LRRTM4: variants seen among roughly 807,000 people sequenced by gnomAD.
The protein encoded by LRRTM4 is leucine rich repeat transmembrane neuronal 4.
LRRTM4 carries 25 observed loss-of-function variants against 47.6 expected under a neutral mutation model. That is an observed-to-expected ratio of 0.53 (90% confidence interval 0.38 to 0.73). LRRTM4 has a LOEUF of 0.73. Ranked by LOEUF, LRRTM4 falls within the 30% of genes least tolerant of loss-of-function variation. The probability of loss-of-function intolerance (pLI) is 0.00; values close to 1 mark genes in which losing one functional copy is unlikely to be tolerated. For missense variants in LRRTM4, 638 were observed against 713.4 expected (o/e 0.89, Z 1.20); for synonymous variants, 311 against 269.5 (o/e 1.15, Z -1.51).
intron 3 of LRRTM4, among the ~76,000 whole-genome samples, chr2:76,988,809 T>C (rs1676900719): frequency 6.9e-6 from 1 of 144,744 alleles, no homozygotes; most frequent in Admixed American, 6.9e-5. Flanking sequence ...ACATCTCCTA[T>C]CACCTTTTTA....
intron 3 of LRRTM4, among the ~76,000 whole-genome samples, chr2:76,801,732 C>T (rs1285887172): frequency 2.6e-5 from 4 of 151,932 alleles, no homozygotes. Context: ...AGCAAAATAT[C>T]AGCAAACTAA....
At chr2:77,396,832 A>G (rs1332876086) in intron 3 of LRRTM4, among the ~76,000 whole-genome samples, 1 of 151,934 alleles carries the variant, frequency 6.6e-6, no homozygotes, top group Non-Finnish European at 1.5e-5. Context: ...AGTTCAATTG[A>G]GATCAATGTT....
intron 3 of LRRTM4, among the ~76,000 whole-genome samples, chr2:76,958,851 C>T (rs1159691657): frequency 6.6e-6 from 1 of 151,626 alleles, no homozygotes; most frequent in African/African-American, 2.4e-5. Flanking sequence ...GCCCCCTTGC[C>T]ATTCACCTCC....
intron 3 of LRRTM4, among the ~76,000 whole-genome samples, chr2:76,918,446 T>A (rs1344360790): frequency 6.6e-6 from 1 of 152,200 alleles, no homozygotes; most frequent in Non-Finnish European, 1.5e-5. Context: ...AAATGCAGAA[T>A]TTCACCATTA....
At chr2:77,456,492 T>C (rs756943324) in intron 3 of LRRTM4, among the ~76,000 whole-genome samples, 3 of 152,174 alleles carry the variant, frequency 2.0e-5, no homozygotes, top group Admixed American at 6.5e-5. Flanking sequence ...ACTCATTCAT[T>C]GACTTCACTC....
intron 3 of LRRTM4, among the ~76,000 whole-genome samples, chr2:77,114,195 T>A (rs1383569480): frequency 6.6e-6 from 1 of 152,032 alleles, no homozygotes; most frequent in Non-Finnish European, 1.5e-5. Context: ...CAAGGCCCAA[T>A]CACCCCACAC....
rs1558771791 is a variant in LRRTM4 at position 76,974,227 on chromosome 2, C to CATATATATATACATATATATATACAT, written c.1552-225312_1552-225311insATGTATATATATATGTATATATATAT. Among the ~76,000 whole-genome samples the CATATATATATACATATATATATACAT allele has an allele frequency of 2.3e-3, 286 of 125,108 alleles. 4 individuals are homozygous for CATATATATATACATATATATATACAT. Among genetic ancestry groups the CATATATATATACATATATATATACAT allele is most frequent in the Non-Finnish European group, 3.2e-3 (196 of 61,026 alleles). The allele number at this position is 125,108 out of a possible 152,430, so 82.1% of individuals were successfully genotyped here. A position where few individuals can be genotyped will look rare whatever the true frequency, so the allele number is the denominator to read the frequency against. ...ATATATATACACATATATATACATA[C>CATATATATATACATATATATATACAT]ATATATATATATACATATATATATA... On this transcript the variant is annotated intron_variant, in intron 3 of 3. Transcript: ENST00000409884.
intron 3 of LRRTM4, among the ~76,000 whole-genome samples, chr2:76,950,838 G>C (rs771805899): frequency 3.9e-5 from 6 of 151,952 alleles, no homozygotes; most frequent in Non-Finnish European, 7.4e-5. Flanking sequence ...GCCATATTAA[G>C]ACTAGGCTAA....
intron 3 of LRRTM4, among the ~76,000 whole-genome samples, chr2:76,985,170 A>G (rs1208042392): frequency 7.0e-6 from 1 of 143,704 alleles, no homozygotes; most frequent in African/African-American, 2.7e-5. Context: ...AGCTTTTAAA[A>G]TTTTATTTGA....
chr2:77,153,870 AC>A (rs1672491599), intron 3 of LRRTM4, among the ~76,000 whole-genome samples: 1 of 152,160 alleles, frequency 6.6e-6, no homozygotes, highest in South Asian at 2.1e-4. Context: ...TGAAAAAGAA[AC>A]TTTTAATTAT....
chr2:76,768,634 T>G (rs1409002712), intron 3 of LRRTM4, among the ~76,000 whole-genome samples: 1 of 152,132 alleles, frequency 6.6e-6, no homozygotes, highest in Non-Finnish European at 1.5e-5. Flanking sequence ...AGTTTATGAT[T>G]GTAAATTCAA....
At chr2:77,487,579 T>C (rs1677968430) in intron 3 of LRRTM4, among the ~76,000 whole-genome samples, 2 of 152,012 alleles carry the variant, frequency 1.3e-5, no homozygotes, top group African/African-American at 4.8e-5. Flanking sequence ...GTGCCATGGA[T>C]GGTGGGTTGA....
At chr2:77,285,059 T>C (rs1488227639) in intron 3 of LRRTM4, among the ~76,000 whole-genome samples, 1 of 151,990 alleles carries the variant, frequency 6.6e-6, no homozygotes, top group Non-Finnish European at 1.5e-5. Context: ...CGGTTCAGGA[T>C]ATTTAACTAA....
At chr2:76,852,392 A>G (rs549934490) in intron 3 of LRRTM4, among the ~76,000 whole-genome samples, 56 of 152,276 alleles carry the variant, frequency 3.7e-4, no homozygotes, top group African/African-American at 7.9e-4. Flanking sequence ...TTTTCTGACT[A>G]TGCAAATTGT....
At chr2:77,078,016 A>G (rs1680395229) in intron 3 of LRRTM4, among the ~76,000 whole-genome samples, 1 of 152,172 alleles carries the variant, frequency 6.6e-6, no homozygotes, top group South Asian at 2.1e-4. Flanking sequence ...GTTTTTCACT[A>G]CTTACAGGCA....
intron 3 of LRRTM4, among the ~76,000 whole-genome samples, chr2:77,503,652 T>C (rs141755848): frequency 0.016 from 2,473 of 151,336 alleles, 72 homozygotes; most frequent in African/African-American, 0.056. Flanking sequence ...AGAGAGAGAA[T>C]ATGATGGAAT....
intron 3 of LRRTM4, among the ~76,000 whole-genome samples, chr2:77,217,468 T>TATATAC (rs1338917871): frequency 2.2e-5 from 3 of 134,250 alleles, no homozygotes; most frequent in African/African-American, 8.7e-5. Context: ...TATATATATA[T>TATATAC]ACTAAGCCTT....
chr2:77,126,800 A>G (rs1483353768), intron 3 of LRRTM4, among the ~76,000 whole-genome samples: 1 of 152,228 alleles, frequency 6.6e-6, no homozygotes, highest in Non-Finnish European at 1.5e-5. Flanking sequence ...AGGAAAATCA[A>G]GCATTCAATC....
intron 3 of LRRTM4, among the ~76,000 whole-genome samples, chr2:76,798,186 C>G (rs1019311887): frequency 3.9e-5 from 6 of 152,182 alleles, no homozygotes; most frequent in Admixed American, 3.9e-4. Context: ...CCAAAATTGA[C>G]CACATACTTG....
Sources: gnomAD v4.1 joint callset for allele counts (sites outside exome capture counted in the v4.1 genomes callset) on GRCh38, gnomAD v4.1.1 for gene constraint, MANE v1.5 for transcripts, NCBI Gene and HGNC (gene_info 2026-07-23, HGNC 2026-07-21) for gene names.